Variants in MITF observed in about 807,000 individuals in gnomAD.
MITF encodes microphthalmia-associated transcription factor.
Under a neutral mutation model 60.5 loss-of-function variants are expected in MITF, and 17 were observed. That is an observed-to-expected ratio of 0.28 (90% CI 0.19 to 0.42). The LOEUF (loss-of-function observed/expected upper bound fraction) is 0.42. MITF is among the 10% of genes least tolerant of loss of function. MITF has a pLI of 1.00. For synonymous variants in MITF, 260 were observed against 248.5 expected, an observed-to-expected ratio of 1.05 and a Z score of -0.43; for missense variants, 622 against 683.5, an observed-to-expected ratio of 0.91 and a Z score of 1.00.
intron 5 of MITF, among the ~76,000 whole-genome samples, chr3:69,946,317 G>T (rs910291507): frequency 2.0e-5 from 3 of 152,074 alleles, no homozygotes; most frequent in African/African-American, 7.2e-5. Flanking sequence ...ACCATTAATC[G>T]GTAAATTGGA....
intron 2 of MITF, among the ~76,000 whole-genome samples, chr3:69,886,514 C>T (rs968943188): frequency 6.6e-6 from 1 of 152,044 alleles, no homozygotes; most frequent in Admixed American, 6.6e-5. Flanking sequence ...ACACATCCTA[C>T]TGTAAGGACA....
At chr3:69,844,722 A>G (rs1319737328) in intron 1 of MITF, among the ~76,000 whole-genome samples, 1 of 152,236 alleles carries the variant, frequency 6.6e-6, no homozygotes, top group Non-Finnish European at 1.5e-5. Flanking sequence ...CAATCTATGT[A>G]TCTGACAAAG....
intron 1 of MITF, among the ~76,000 whole-genome samples, chr3:69,772,408 C>G (rs1292737259): frequency 6.6e-6 from 1 of 152,176 alleles, no homozygotes; most frequent in Non-Finnish European, 1.5e-5. Context: ...TTTTTGGAGT[C>G]TAGTCTCTTT....
chr3:69,741,002 A>T (rs1703508250), intron 1 of MITF, among the ~76,000 whole-genome samples: 1 of 152,206 alleles, frequency 6.6e-6, no homozygotes, highest in Admixed American at 6.5e-5. Context: ...AGGACTCTTT[A>T]TCCAAGTTGG....
intron 8 of MITF, 44 bp from the exon 9 acceptor site, chr3:69,959,229 C>T (rs753638474): frequency 1.2e-6 from 2 of 1,609,064 alleles, no homozygotes; most frequent in East Asian, 2.2e-5. Context: ...TTTCATTGAG[C>T]CTCAAATCCT....
chr3:69,902,488 G>T (rs2065014925), intron 2 of MITF, among the ~76,000 whole-genome samples: 1 of 152,108 alleles, frequency 6.6e-6, no homozygotes, highest in East Asian at 1.9e-4. Context: ...TTCACCCTTT[G>T]ATTCTTATGT....
At chr3:69,897,742 T>A (rs2064908075) in intron 2 of MITF, among the ~76,000 whole-genome samples, 1 of 152,230 alleles carries the variant, frequency 6.6e-6, no homozygotes, top group African/African-American at 2.4e-5. Flanking sequence ...CATATCTCTT[T>A]TGCTCACTTC....
chr3:69,915,139 G>A (rs903134776), intron 2 of MITF, among the ~76,000 whole-genome samples: 1 of 152,158 alleles, frequency 6.6e-6, no homozygotes, highest in Non-Finnish European at 1.5e-5. Context: ...TTCAGAGATA[G>A]TTATTAAGCA....
chr3:69,807,342 TG>T (rs2063026292), intron 1 of MITF, among the ~76,000 whole-genome samples: 1 of 152,220 alleles, frequency 6.6e-6, no homozygotes, highest in South Asian at 2.1e-4. Context: ...ATCTGATTAA[TG>T]GGGAATTCAG....
chr3:69,749,660 T>G (rs966475880), intron 1 of MITF, among the ~76,000 whole-genome samples: 1 of 152,232 alleles, frequency 6.6e-6, no homozygotes, highest in Non-Finnish European at 1.5e-5. Context: ...CCTAAAAATA[T>G]AAGCAACTGG....
At chr3:69,780,166 A>C (rs2062540678) in intron 1 of MITF, among the ~76,000 whole-genome samples, 1 of 152,168 alleles carries the variant, frequency 6.6e-6, no homozygotes, top group African/African-American at 2.4e-5. Context: ...ATGCAACTGA[A>C]GGAAAATGGG....
chr3:69,859,993 G>T (rs2063984572), intron 1 of MITF, among the ~76,000 whole-genome samples: 1 of 152,026 alleles, frequency 6.6e-6, no homozygotes, highest in Non-Finnish European at 1.5e-5. Flanking sequence ...ATAGTAAATT[G>T]CATTTTTACT....
intron 9 of MITF, among the ~76,000 whole-genome samples, chr3:69,962,006 C>A (rs1576062582): frequency 6.6e-6 from 1 of 152,294 alleles, no homozygotes; most frequent in East Asian, 1.9e-4. Context: ...TGCAATTAAG[C>A]CAGAGTTCTC....
chr3:69,746,432 A>T (rs1703730335), intron 1 of MITF, among the ~76,000 whole-genome samples: 1 of 152,050 alleles, frequency 6.6e-6, no homozygotes, highest in South Asian at 2.1e-4. Flanking sequence ...CAGTATTAGG[A>T]TAAATAATAG....
intron 1 of MITF, among the ~76,000 whole-genome samples, chr3:69,799,418 T>G (rs910768358): frequency 4.6e-5 from 7 of 152,166 alleles, no homozygotes; most frequent in African/African-American, 1.4e-4. Flanking sequence ...TTTGCTACAG[T>G]TTTTATTTCT....
Position 69,949,325 on chromosome 3 carries a change from C to T in MITF, c.880+157C>T, listed in dbSNP as rs186002522. Among the ~76,000 whole-genome samples the T allele has an allele frequency of 2.7e-3, 404 of 152,056 alleles. 1 individual carries two copies. Among genetic ancestry groups the T allele is most frequent in the Middle Eastern group, 6.8e-3 (2 of 294 alleles). ...TAAAACATTATGCAATATTTTAAGA[C>T]GGAGAATTTATACTTGAAAATTCTG... is the stretch of plus-strand genomic sequence containing the variant. On this transcript the variant is annotated intron_variant, in intron 6 of 9. Coordinates refer to ENST00000352241, the MANE Select transcript of MITF (RefSeq NM_001354604.2).
intron 1 of MITF, among the ~76,000 whole-genome samples, chr3:69,836,297 C>G (rs1341771960): frequency 6.6e-6 from 1 of 152,060 alleles, no homozygotes. Flanking sequence ...TATAGAAATA[C>G]TACTGATTTT....
At chr3:69,960,671 T>G (rs2066518995) in intron 9 of MITF, among the ~76,000 whole-genome samples, 1 of 152,222 alleles carries the variant, frequency 6.6e-6, no homozygotes, top group South Asian at 2.1e-4. Context: ...AAGGGTTGTC[T>G]TTCAACTTTT....
At chr3:69,951,988 T>A in intron 7 of MITF, 102 bp downstream of exon 7, 2 of 859,820 alleles carry the variant, frequency 2.3e-6, no homozygotes, top group South Asian at 2.9e-5. Flanking sequence ...TTCCTACAGC[T>A]GTTAAAATTC....
Sources: gnomAD v4.1 joint callset for allele counts (sites outside exome capture counted in the v4.1 genomes callset) on GRCh38, gnomAD v4.1.1 for gene constraint, MANE v1.5 for transcripts, NCBI Gene and HGNC (gene_info 2026-07-23, HGNC 2026-07-21) for gene names.